SF3A2: variants seen among roughly 807,000 people sequenced by gnomAD.
SF3A2 encodes the protein SAP 62.
SF3A2 carries 5 observed loss-of-function variants against 31.1 expected under a neutral mutation model. The ratio of observed to expected loss-of-function variants is 0.16; its 90% CI spans 0.08 to 0.34. The LOEUF is 0.34. Among genes scored for constraint, SF3A2 ranks in the 10% least tolerant of loss-of-function variants. SF3A2 has a pLI of 1.00. For missense variants in SF3A2, 577 were observed against 643.9 expected (o/e 0.90, Z 1.13); for synonymous variants, 365 against 263.7 (o/e 1.38, Z -3.72).
intron 4 of SF3A2, 176 bp downstream of exon 4, chr19:2,244,955 C>T (rs1370199874): frequency 5.4e-5 from 33 of 616,514 alleles, no homozygotes; most frequent in Admixed American, 5.6e-5. Context: ...ATGGCTGAGG[C>T]GGGCAGATCA....
chr19:2,245,623 G>T lies in SF3A2; in HGVS notation c.355+68G>T. 8.5e-7 allele frequency: 1 copy of T among 1,170,594 alleles called. No homozygotes were observed. The highest frequency in any genetic ancestry group is 1.2e-6 in the Non-Finnish European group (1 of 801,026). The allele number at this position is 1,170,594 out of a possible 1,614,324, so 72.5% of individuals were successfully genotyped here. The stretch of plus-strand genomic sequence containing the variant: ...ACATAAGTGTGTTCTTTAGTCTCCA[G>T]TGCGGGAGGTGCAGCCCTGATAGCC... On this transcript the variant is annotated intron_variant, in intron 5 of 8. Coordinates refer to ENST00000221494, the MANE Select transcript of SF3A2 (RefSeq NM_007165.5). The surrounding 1 kb of genome is among the most constrained non-coding windows in gnomAD (Gnocchi z 4.2).
Position 2,246,818 on chromosome 19 carries a change from T to C in SF3A2, c.405+16T>C. The C allele has an allele frequency of 6.2e-7, 1 of 1,613,688 alleles. No individual in the cohort carries two copies. Among genetic ancestry groups the C allele is most frequent in the South Asian group, 1.1e-5 (1 of 91,070 alleles). On this transcript the variant is annotated intron_variant, in intron 6 of 8. Transcript: ENST00000221494. The surrounding 1 kb of genome is among the most constrained non-coding windows in gnomAD (Gnocchi z 5.5). ...CCTCTTCCAGGTGAGATCAGGGACT[T>C]GGGCGTGGGGGGCGGCCAAAGGCAC...
chr19:2,241,518 C>T (rs1303650361), intron 1 of SF3A2, among the ~76,000 whole-genome samples: 2 of 152,230 alleles, frequency 1.3e-5, no homozygotes, highest in South Asian at 2.1e-4. Context: ...GTCCGGGCGG[C>T]ACCCACACAA....
At chr19:2,239,181 C>A (rs542630738) in intron 1 of SF3A2, among the ~76,000 whole-genome samples, 20 of 152,106 alleles carry the variant, frequency 1.3e-4, no homozygotes, top group Non-Finnish European at 2.2e-4. Context: ...CCTCGCCAAC[C>A]TGGCGAAATC....
intron 1 of SF3A2, among the ~76,000 whole-genome samples, chr19:2,242,051 G>A (rs569370664): frequency 3.8e-4 from 58 of 152,324 alleles, no homozygotes; most frequent in African/African-American, 1.4e-3. Context: ...CCCACCACAA[G>A]TCAGCAGTAC....
At chr19:2,243,068 C>G (rs1009128888) in intron 1 of SF3A2, among the ~76,000 whole-genome samples, 1 of 152,136 alleles carries the variant, frequency 6.6e-6, no homozygotes, top group Non-Finnish European at 1.5e-5. Context: ...CTTCTCTGGG[C>G]TCCCTATTAC....
chr19:2,243,686 C>T (rs537353373), intron 2 of SF3A2, 142 bp downstream of exon 2: 29 of 952,524 alleles, frequency 3.0e-5, no homozygotes, highest in African/African-American at 3.0e-4. Flanking sequence ...CTGTTGCCCC[C>T]GAGCAGCCAC....
chr19:2,243,681 G>GC (rs1169917021), intron 2 of SF3A2, 137 bp downstream of exon 2: 1 of 1,040,632 alleles, frequency 9.6e-7, no homozygotes, highest in Non-Finnish European at 1.3e-6. Context: ...CTCCCCTGTT[G>GC]CCCCCGAGCA....
Position 2,248,183 on chromosome 19 carries a change from C to T in SF3A2, c.1032C>T (p.His344=). Residue 344 remains histidine (H), a synonymous_variant, in exon 9 of 9, where the codon CAC becomes CAT. Transcript: ENST00000221494. ...PGVHPPAPGV[H]PPAPGVHPPA... ...TCCACCCTCCAGCCCCCGGGGTTCACCCACCAGCCCCCGGAGTCCACCCAC... is the reference window on the plus strand; with the variant it reads ...TCCACCCTCCAGCCCCCGGGGTTCATCCACCAGCCCCCGGAGTCCACCCAC... 2.1e-6 allele frequency: 3 copies of T among 1,448,646 alleles called. No homozygotes were observed. The highest frequency in any genetic ancestry group is 2.8e-6 in the Non-Finnish European group (3 of 1,072,558). The allele number at this position is 1,448,646 out of a possible 1,614,324, so 89.7% of individuals were successfully genotyped here.
Position 2,246,626 on chromosome 19 carries a change from G to C in SF3A2, c.356-127G>C, listed in dbSNP as rs2024935408. The C allele has an allele frequency of 1.1e-5, 11 of 1,044,376 alleles. No individual in the cohort carries two copies. The Admixed American group carries it at 1.1e-4, about 11-fold the overall frequency. 64.7% of individuals were successfully genotyped at this position (1,044,376 alleles called of 1,614,324 possible). On this transcript the variant is annotated intron_variant, in intron 5 of 8. Transcript: ENST00000221494. This position sits in a 1 kb window ranked among gnomAD's most constrained non-coding sequence, Gnocchi z 5.5. ...AGAGCCTGGGCGGAGATTGTCTAAT[G>C]GTTGCCAGAGCTGCAGGGCCTCCCC... is the stretch of plus-strand genomic sequence containing the variant.
rs756905849 is a variant in SF3A2 at position 2,244,721 on chromosome 19, T to G, written c.199-12T>G. 7 of 1,613,996 alleles carry G rather than the reference T, an allele frequency of 4.3e-6. No individual in the cohort carries two copies. Reference sequence around the variant, plus strand: ...CCGGCCTCGAGTCATGCGTGTTTCCTTTCCACTCCAGGGGAGCTACCTGGC... The same window carrying G: ...CCGGCCTCGAGTCATGCGTGTTTCCGTTCCACTCCAGGGGAGCTACCTGGC... On this transcript the variant is annotated splice_polypyrimidine_tract_variant and intron_variant, in intron 3 of 8. Coordinates refer to ENST00000221494, the MANE Select transcript of SF3A2 (RefSeq NM_007165.5).
intron 1 of SF3A2, among the ~76,000 whole-genome samples, chr19:2,241,651 A>G (rs1284656475): frequency 6.6e-6 from 1 of 152,206 alleles, no homozygotes; most frequent in African/African-American, 2.4e-5. Flanking sequence ...GAGAGGGTGC[A>G]GTTCTCCCTG....
In SF3A2 at chr19:2,238,148, C is replaced by A. The variant is rs539703061; in HGVS notation, c.-38+1247C>A. Among the ~76,000 whole-genome samples the A allele has an allele frequency of 4.7e-3, 717 of 152,280 alleles. 8 individuals are homozygous for A. The highest frequency in any genetic ancestry group is 4.6e-3 in the Non-Finnish European group (312 of 68,026). Reference sequence around the variant, plus strand: ...AAGCCATCCTCCTGCCTCAACCTCTCGAGTAGCTGGGATCACAGGTGCTCA... The same window carrying A: ...AAGCCATCCTCCTGCCTCAACCTCTAGAGTAGCTGGGATCACAGGTGCTCA... On this transcript the variant is annotated intron_variant, in intron 1 of 8. Transcript: ENST00000221494.
intron 1 of SF3A2, among the ~76,000 whole-genome samples, chr19:2,238,266 C>T (rs2024855381): frequency 6.6e-6 from 1 of 152,234 alleles, no homozygotes; most frequent in Non-Finnish European, 1.5e-5. Flanking sequence ...AGGTGATCCA[C>T]CTGCCACGGC....
intron 1 of SF3A2, among the ~76,000 whole-genome samples, chr19:2,241,309 C>T (rs1436044064): frequency 1.3e-5 from 2 of 152,102 alleles, no homozygotes; most frequent in African/African-American, 2.4e-5. Flanking sequence ...CACGTTCCCC[C>T]GAGCGAGGGC....
intron 7 of SF3A2, among the ~76,000 whole-genome samples, 174 bp from the exon 8 acceptor site, chr19:2,247,420 C>A (rs2024948610): frequency 6.6e-6 from 1 of 152,170 alleles, no homozygotes; most frequent in African/African-American, 2.4e-5. Context: ...GCATTGAGGC[C>A]AGGTCTGTTT....
chr19:2,244,633 C>T lies in SF3A2; in HGVS notation c.198+18C>T. The T allele has an allele frequency of 6.2e-7, 1 of 1,613,152 alleles. No individual in the cohort carries two copies. The highest frequency in any genetic ancestry group is 8.5e-7 in the Non-Finnish European group (1 of 1,179,292). On this transcript the variant is annotated intron_variant, in intron 3 of 8. Coordinates refer to ENST00000221494, the MANE Select transcript of SF3A2 (RefSeq NM_007165.5). ...ACAATGAGGTGCGGCCTCTGCCTGG[C>T]TCCGGGCGGCTCGCGGCGGGCTGAG... is the stretch of plus-strand genomic sequence containing the variant.
chr19:2,245,950 G>A lies in SF3A2; in HGVS notation c.355+395G>A, dbSNP rs930005664. 1.3e-5 allele frequency: 3 copies of A among 232,706 alleles called. No homozygotes were observed. Among genetic ancestry groups the A allele is most frequent in the Non-Finnish European group, 2.6e-5 (3 of 117,088 alleles). The allele number at this position is 232,706 out of a possible 1,614,324, so 14.4% of individuals were successfully genotyped here. On this transcript the variant is annotated intron_variant, in intron 5 of 8. Transcript: ENST00000221494. The surrounding 1 kb of genome is among the most constrained non-coding windows in gnomAD (Gnocchi z 4.2). Reference sequence around the variant, plus strand: ...GCGGCTGTTAGAGGCAGCTCCTCCCGGACCCTCAGCAGTGGGAATGGCTAG... The same window carrying A: ...GCGGCTGTTAGAGGCAGCTCCTCCCAGACCCTCAGCAGTGGGAATGGCTAG...
intron 1 of SF3A2, among the ~76,000 whole-genome samples, chr19:2,238,232 C>T (rs1032740756): frequency 1.3e-5 from 2 of 152,180 alleles, no homozygotes; most frequent in Admixed American, 6.5e-5. Flanking sequence ...CCATGTTGCC[C>T]AGGCTGGTCT....
Sources: allele counts gnomAD v4.1 joint callset (sites outside exome capture counted in the v4.1 genomes callset), GRCh38; gene constraint gnomAD v4.1.1; non-coding constraint Gnocchi (gnomAD v3.1); transcripts MANE v1.5; gene names NCBI Gene and HGNC (gene_info 2026-07-23, HGNC 2026-07-21).